Variants in TGS1 observed in about 807,000 individuals in gnomAD.
TGS1 encodes trimethylguanosine synthase.
TGS1 carries 69 observed loss-of-function variants against 92.2 expected under a neutral mutation model. The ratio of observed to expected loss-of-function variants is 0.75; its 90% CI spans 0.62 to 0.91. TGS1 has a LOEUF of 0.91. Among genes scored for constraint, TGS1 ranks in the 40% least tolerant of loss-of-function variants. TGS1 has a pLI of 0.00. For missense variants in TGS1, 1,062 were observed against 1,001.2 expected (o/e 1.06, Z -0.82); for synonymous variants, 345 against 338.1 (o/e 1.02, Z -0.22).
chr8:55,805,743 G>T (rs1585782092), intron 10 of TGS1, among the ~76,000 whole-genome samples: 1 of 152,028 alleles, frequency 6.6e-6, no homozygotes, highest in East Asian at 1.9e-4. Flanking sequence ...AATTAGCTGG[G>T]CATGGTGGCA....
At chr8:55,782,184 T>G (rs1811585469) in intron 1 of TGS1, among the ~76,000 whole-genome samples, 1 of 130,216 alleles carries the variant, frequency 7.7e-6, no homozygotes. Flanking sequence ...ATTTATTTAT[T>G]TATTTATTTA....
At chr8:55,788,249 T>A (rs1319054464) in intron 4 of TGS1, among the ~76,000 whole-genome samples, 1 of 151,736 alleles carries the variant, frequency 6.6e-6, no homozygotes, top group Non-Finnish European at 1.5e-5. Flanking sequence ...CTTACTCTTT[T>A]GTGAAACAAA....
intron 2 of TGS1, among the ~76,000 whole-genome samples, chr8:55,783,229 G>A (rs1312540847): frequency 6.6e-6 from 1 of 152,146 alleles, no homozygotes. Flanking sequence ...GACCAGCCTG[G>A]CCAACATGGT....
intron 10 of TGS1, among the ~76,000 whole-genome samples, chr8:55,808,243 T>TC (rs1349406712): frequency 3.3e-5 from 5 of 152,220 alleles, no homozygotes; most frequent in African/African-American, 1.2e-4. Flanking sequence ...GTGGTTATTT[T>TC]CCTTTTTCCT....
intron 10 of TGS1, among the ~76,000 whole-genome samples, chr8:55,808,898 T>C (rs1023414022): frequency 6.6e-6 from 1 of 152,202 alleles, no homozygotes; most frequent in African/African-American, 2.4e-5. Context: ...CTCCTCCTAG[T>C]ATCCCCGTAG....
At position 55,824,812 on chromosome 8, in the gene TGS1, T is replaced by G. The variant is rs927738102; in HGVS notation, c.*109T>G. The G allele has an allele frequency of 2.3e-6, 3 of 1,294,490 alleles. No homozygotes were observed. The highest frequency in any genetic ancestry group is 3.0e-5 in the African/African-American group (2 of 66,704). The allele number at this position is 1,294,490 out of a possible 1,614,324, so 80.2% of individuals were successfully genotyped here. Reference sequence around the variant, plus strand: ...GATATTTTCTACCCATGGTCTTATATCACCGTATGAAATGGAAACTTACAG... The same window carrying G: ...GATATTTTCTACCCATGGTCTTATAGCACCGTATGAAATGGAAACTTACAG... On this transcript the variant is annotated 3_prime_UTR_variant, in exon 13 of 13. Coordinates refer to ENST00000260129, the MANE Select transcript of TGS1 (RefSeq NM_024831.8).
chr8:55,806,668 T>C (rs1812382223), intron 10 of TGS1, among the ~76,000 whole-genome samples: 1 of 152,122 alleles, frequency 6.6e-6, no homozygotes, highest in Admixed American at 6.5e-5. Context: ...CAACTATATG[T>C]ATTAATTTAT....
intron 1 of TGS1, among the ~76,000 whole-genome samples, chr8:55,776,575 GGCCCA>G: frequency 6.6e-6 from 1 of 152,294 alleles, no homozygotes; most frequent in South Asian, 2.1e-4. Flanking sequence ...CACTGTGCCC[GGCCCA>G]GTGCCTTTTT....
intron 10 of TGS1, among the ~76,000 whole-genome samples, chr8:55,806,383 A>C (rs1301764658): frequency 6.9e-6 from 1 of 144,738 alleles, no homozygotes; most frequent in Non-Finnish European, 1.5e-5. Context: ...AAAAAGACAA[A>C]AGAAAAAAAA....
rs773621076 is a variant in TGS1, at chr8:55,825,608, TACTG to T, written c.*906_*909del. On this transcript the variant is annotated 3_prime_UTR_variant, in exon 13 of 13. Coordinates refer to ENST00000260129, the MANE Select transcript of TGS1 (RefSeq NM_024831.8). ...GTGTTAAACATTAAACAGAACATGA[TACTG>T]GCTGGGATAAGATTAGAGAATTGAA... Among the ~76,000 whole-genome samples, 7 of 152,294 alleles carry T rather than the reference TACTG, an allele frequency of 4.6e-5. No homozygotes were observed. The highest frequency in any genetic ancestry group is 2.0e-4 in the Admixed American group (3 of 15,278).
intron 12 of TGS1, among the ~76,000 whole-genome samples, chr8:55,815,404 A>G (rs1426912440): frequency 6.6e-6 from 1 of 152,204 alleles, no homozygotes; most frequent in Non-Finnish European, 1.5e-5. Context: ...ATCCGTATGT[A>G]GGACCTTTTT....
intron 9 of TGS1, among the ~76,000 whole-genome samples, chr8:55,804,229 C>T (rs1812298903): frequency 6.6e-6 from 1 of 152,078 alleles, no homozygotes; most frequent in Non-Finnish European, 1.5e-5. Context: ...TCACTTGAGG[C>T]CAGGAGTTCA....
chr8:55,806,356 C>CAAAAAAAAAAAAAAAAAAAAAA (rs1047234489), intron 10 of TGS1, among the ~76,000 whole-genome samples: 1 of 39,004 alleles, frequency 2.6e-5, no homozygotes, highest in African/African-American at 8.7e-5. Context: ...GACTCCACCT[C>CAAAAAAAAAAAAAAAAAAAAAA]AAAAAAAAAA....
chr8:55,816,180 G>A (rs1162054079), intron 12 of TGS1, among the ~76,000 whole-genome samples: 2 of 151,922 alleles, frequency 1.3e-5, no homozygotes, highest in East Asian at 1.9e-4. Context: ...TTCTTTCCTT[G>A]GACAGCCAGA....
At chr8:55,813,681 G>A (rs1237187554) in intron 12 of TGS1, among the ~76,000 whole-genome samples, 1 of 151,994 alleles carries the variant, frequency 6.6e-6, no homozygotes, top group Non-Finnish European at 1.5e-5. Flanking sequence ...TTTTATTCAG[G>A]AGATGCTATC....
chr8:55,803,478 A>G (rs1812278212), intron 9 of TGS1, among the ~76,000 whole-genome samples: 1 of 152,182 alleles, frequency 6.6e-6, no homozygotes, highest in Admixed American at 6.5e-5. Flanking sequence ...TTTTAAAACA[A>G]TTTGCAAAAT....
At chr8:55,800,799 G>A (rs1441582285) in intron 8 of TGS1, among the ~76,000 whole-genome samples, 1 of 152,140 alleles carries the variant, frequency 6.6e-6, no homozygotes, top group East Asian at 1.9e-4. Context: ...TATTTACAAT[G>A]ATCAGATGAA....
intron 10 of TGS1, among the ~76,000 whole-genome samples, chr8:55,810,102 T>C (rs2130223262): frequency 6.6e-6 from 1 of 152,352 alleles, no homozygotes; most frequent in Admixed American, 6.5e-5. Context: ...GAAACTAGCA[T>C]TTTCTGGAAA....
chr8:55,807,312 A>G (rs1207799228), intron 10 of TGS1, among the ~76,000 whole-genome samples: 1 of 152,128 alleles, frequency 6.6e-6, no homozygotes, highest in Admixed American at 6.5e-5. Context: ...GAGACTAAAT[A>G]TTATTTAAAT....
Sources: gnomAD v4.1 joint callset for allele counts (sites outside exome capture counted in the v4.1 genomes callset) on GRCh38, gnomAD v4.1.1 for gene constraint, MANE v1.5 for transcripts, NCBI Gene and HGNC (gene_info 2026-07-23, HGNC 2026-07-21) for gene names.